ARID5B: variants seen among roughly 807,000 people sequenced by gnomAD.
ARID5B encodes AT-rich interaction domain 5B, also known as AT-rich interactive domain-containing protein 5B.
ARID5B carries 13 observed loss-of-function variants against 97.2 expected under a neutral mutation model. That is an observed-to-expected ratio of 0.13 (90% confidence interval 0.09 to 0.21). The LOEUF (loss-of-function observed/expected upper bound fraction) is 0.21, where lower values mean the gene tolerates loss of function less well. Ranked by LOEUF, ARID5B falls within the 10% of genes least tolerant of loss-of-function variation. The pLI is 1.00. For missense variants in ARID5B, 1,210 were observed against 1,465.3 expected, an observed-to-expected ratio of 0.83 and a Z score of 2.84; for synonymous variants, 556 against 570.3, an observed-to-expected ratio of 0.97 and a Z score of 0.36.
chr10:62,089,308 C>G (rs1840335070), intron 9 of ARID5B, among the ~76,000 whole-genome samples: 1 of 151,604 alleles, frequency 6.6e-6, no homozygotes, highest in Non-Finnish European at 1.5e-5. Flanking sequence ...ATAACATGTC[C>G]CTAAAATTCA....
chr10:62,062,311 T>C (rs1397088596), intron 7 of ARID5B, among the ~76,000 whole-genome samples: 2 of 152,228 alleles, frequency 1.3e-5, no homozygotes, highest in Non-Finnish European at 1.5e-5. Context: ...TAGAGTCTTC[T>C]AGATCAGTGG....
At chr10:61,928,128 T>A in intron 2 of ARID5B, among the ~76,000 whole-genome samples, 1 of 151,866 alleles carries the variant, frequency 6.6e-6, no homozygotes, top group East Asian at 1.9e-4. Flanking sequence ...GGTAGAAGGG[T>A]CTTCTCTATT....
intron 8 of ARID5B, among the ~76,000 whole-genome samples, chr10:62,080,560 T>G (rs1840198906): frequency 6.6e-6 from 1 of 152,220 alleles, no homozygotes; most frequent in African/African-American, 2.4e-5. Flanking sequence ...TACCTCATCT[T>G]CAGAAAGGAA....
At chr10:61,945,744 T>C (rs2132804423) in intron 3 of ARID5B, among the ~76,000 whole-genome samples, 1 of 152,266 alleles carries the variant, frequency 6.6e-6, no homozygotes, top group South Asian at 2.1e-4. Context: ...ACATTTGTGA[T>C]ACTGAAGTCT....
chr10:62,082,871 C>T (rs1174145495), intron 8 of ARID5B, among the ~76,000 whole-genome samples: 4 of 152,236 alleles, frequency 2.6e-5, no homozygotes, highest in African/African-American at 7.2e-5. Flanking sequence ...TATGAAGCAG[C>T]GATTGTGTGC....
intron 3 of ARID5B, among the ~76,000 whole-genome samples, chr10:61,981,384 C>G (rs1384020707): frequency 6.6e-6 from 1 of 152,054 alleles, no homozygotes; most frequent in East Asian, 1.9e-4. Flanking sequence ...CGGGTTCAAG[C>G]GATTCTCCTG....
intron 3 of ARID5B, among the ~76,000 whole-genome samples, chr10:61,967,821 G>A (rs981059594): frequency 1.4e-4 from 22 of 152,126 alleles, no homozygotes; most frequent in African/African-American, 5.3e-4. Context: ...TCAACAGAAT[G>A]TTGGAAGTAC....
At chr10:62,068,011 G>C (rs1242002497) in intron 7 of ARID5B, among the ~76,000 whole-genome samples, 1 of 152,186 alleles carries the variant, frequency 6.6e-6, no homozygotes, top group African/African-American at 2.4e-5. Context: ...GGGGAATCTG[G>C]AGGTGTGTTT....
chr10:61,974,398 A>G (rs1275822097), intron 3 of ARID5B, among the ~76,000 whole-genome samples: 1 of 152,150 alleles, frequency 6.6e-6, no homozygotes, highest in African/African-American at 2.4e-5. Flanking sequence ...ACAGAGAGAA[A>G]GAGAGAGAGG....
At chr10:61,964,018 AC>A (rs1838510369) in intron 3 of ARID5B, among the ~76,000 whole-genome samples, 1 of 152,084 alleles carries the variant, frequency 6.6e-6, no homozygotes, top group South Asian at 2.1e-4. Flanking sequence ...TTAGATTTGC[AC>A]CTTTCTTGAT....
chr10:62,018,210 C>T (rs980585788), intron 4 of ARID5B, among the ~76,000 whole-genome samples: 3 of 152,174 alleles, frequency 2.0e-5, no homozygotes, highest in African/African-American at 7.2e-5. Flanking sequence ...ACCTCCTCTC[C>T]CTTCGTTTGA....
intron 2 of ARID5B, among the ~76,000 whole-genome samples, chr10:61,929,422 A>G (rs1466620775): frequency 6.6e-6 from 1 of 152,096 alleles, no homozygotes; most frequent in African/African-American, 2.4e-5. Context: ...CTCCTTACCA[A>G]TGATCTGTTA....
intron 7 of ARID5B, among the ~76,000 whole-genome samples, chr10:62,065,845 CAAAAAAA>C (rs60296263): frequency 1.1e-5 from 1 of 88,668 alleles, no homozygotes; most frequent in African/African-American, 4.4e-5. Context: ...GACTCTGTCT[CAAAAAAA>C]AAAAAAAAAA....
At chr10:62,067,817 C>T (rs1840013605) in intron 7 of ARID5B, among the ~76,000 whole-genome samples, 1 of 152,232 alleles carries the variant, frequency 6.6e-6, no homozygotes, top group Non-Finnish European at 1.5e-5. Flanking sequence ...CTATAACCTG[C>T]CTCACAGGCT....
chr10:61,938,609 G>C (rs898227825), intron 2 of ARID5B, among the ~76,000 whole-genome samples: 1 of 152,088 alleles, frequency 6.6e-6, no homozygotes, highest in African/African-American at 2.4e-5. Context: ...GAAATCATCC[G>C]TTGAAATGGT....
chr10:62,054,796 TACTCCTTTATGTTATA>T, intron 5 of ARID5B, among the ~76,000 whole-genome samples: 1 of 152,316 alleles, frequency 6.6e-6, no homozygotes, highest in Non-Finnish European at 1.5e-5. Context: ...CTGAGAGATC[TACTCCTTTATGTTATA>T]AAATTGGGGT....
intron 4 of ARID5B, 119 bp from the exon 5 acceptor site, chr10:62,050,769 A>G (rs1217544824): frequency 6.1e-6 from 5 of 815,856 alleles, no homozygotes; most frequent in African/African-American, 3.4e-5. Context: ...GCTGCCTGCC[A>G]CAGATCTGTA....
chr10:61,933,115 T>A (rs1844240443), intron 2 of ARID5B, among the ~76,000 whole-genome samples: 2 of 152,192 alleles, frequency 1.3e-5, no homozygotes, highest in South Asian at 4.1e-4. Flanking sequence ...GTTGACAGCA[T>A]CTTCACCAAC....
chr10:61,926,769 C>G (rs900385659), intron 2 of ARID5B, among the ~76,000 whole-genome samples: 20 of 152,106 alleles, frequency 1.3e-4, no homozygotes, highest in South Asian at 4.2e-4. Flanking sequence ...CCACCACACC[C>G]AGCTAGTTTT....
Sources: allele counts gnomAD v4.1 joint callset (sites outside exome capture counted in the v4.1 genomes callset), GRCh38; gene constraint gnomAD v4.1.1; transcripts MANE v1.5; gene names NCBI Gene and HGNC (gene_info 2026-07-23, HGNC 2026-07-21).